GTPBP6: variants seen among roughly 807,000 people sequenced by gnomAD.
GTPBP6 encodes the protein putative GTP-binding protein 6.
In GTPBP6, 33 loss-of-function variants were observed where a neutral mutation model predicts 28.9. That is an observed-to-expected ratio of 1.14 (90% CI 0.87 to 1.53). The LOEUF is 1.53. Among genes scored for constraint, GTPBP6 ranks in the 40% most tolerant of loss-of-function variants. GTPBP6 has a pLI of 0.00. For missense variants in GTPBP6, 507 were observed against 408.3 expected (o/e 1.24, Z -2.08); for synonymous variants, 231 against 192.7 (o/e 1.20, Z -1.65).
At chrX:314,668 G>C (rs1267244939) in intron 4 of GTPBP6, among the ~76,000 whole-genome samples, 1 of 151,934 alleles carries the variant, frequency 6.6e-6, no homozygotes, top group African/African-American at 2.4e-5. Flanking sequence ...AGTACAGACG[G>C]GGTTTCACCG....
chrX:305,325 T>TG, intron 9 of GTPBP6, 128 bp from the exon 10 acceptor site: 2 of 273,546 alleles, frequency 7.3e-6, no homozygotes, highest in South Asian at 7.4e-5. Flanking sequence ...TTTCCTTTTG[T>TG]TTTTTTTTTT....
chrX:309,659 G>A (rs896396020), intron 7 of GTPBP6, among the ~76,000 whole-genome samples: 4 of 151,942 alleles, frequency 2.6e-5, no homozygotes, highest in Admixed American at 6.6e-5. Context: ...GGAGTGGTGC[G>A]GCCACAAGCC....
intron 7 of GTPBP6, among the ~76,000 whole-genome samples, chrX:310,932 C>T (rs1347304880): frequency 3.1e-5 from 4 of 128,546 alleles, no homozygotes; most frequent in East Asian, 2.6e-4. Context: ...GTGACACGAA[C>T]GGTCACTCTG....
intron 4 of GTPBP6, among the ~76,000 whole-genome samples, 151 bp downstream of exon 4, chrX:314,739 G>A (rs2070397395): frequency 6.6e-6 from 1 of 151,954 alleles, no homozygotes; most frequent in African/African-American, 2.4e-5. Flanking sequence ...GCCTCCCAAA[G>A]TGCTGGGATG....
Position 312,890 on chromosome X carries a change from C to T in GTPBP6, c.792G>A (p.Leu264=), listed in dbSNP as rs146514860. Residue 264 remains leucine (L), a synonymous_variant, in exon 6 of 10, where the codon CTG becomes CTA. Coordinates refer to ENST00000326153, the Ensembl canonical transcript of GTPBP6. ...TCCTGATCTTGGCCTCCTTCTCTCT[C>T]AGGAGACGCTGCTGCAGCTGCATGA... 6.5e-3 allele frequency: 10,445 copies of T among 1,612,742 alleles called. 589 individuals are homozygous for T. In the African/African-American group the frequency reaches 0.12, roughly 19 times the overall value.
chrX:312,670 C>T lies in GTPBP6; in HGVS notation c.916+96G>A, dbSNP rs750761923. The T allele has an allele frequency of 7.0e-6, 9 of 1,286,550 alleles. No individual in the cohort carries two copies. In the Admixed American group the frequency reaches 1.4e-4, roughly 20 times the overall value. The allele number at this position is 1,286,550 out of a possible 1,614,324, so 79.7% of individuals were successfully genotyped here. Reference sequence around the variant, plus strand: ...TGCTCACCGCAGCTGTCGTACGGCACCACTGAGACGACAGGGACCCCCTGC... The same window carrying T: ...TGCTCACCGCAGCTGTCGTACGGCATCACTGAGACGACAGGGACCCCCTGC... On this transcript the variant is annotated intron_variant, in intron 6 of 9. Coordinates refer to ENST00000326153, the Ensembl canonical transcript of GTPBP6.
chrX:313,054 C>A, intron 5 of GTPBP6, 130 bp from the exon 6 acceptor site: 1 of 729,394 alleles, frequency 1.4e-6, no homozygotes, highest in South Asian at 1.8e-5. Flanking sequence ...CGGCTGCTTT[C>A]CCCAGCAGCG....
intron 2 of GTPBP6, 132 bp downstream of exon 2, chrX:316,782 G>A: frequency 5.0e-6 from 2 of 398,212 alleles, no homozygotes; most frequent in Non-Finnish European, 8.8e-6. Flanking sequence ...CAGCTCACCT[G>A]GGCAATCCGA....
At chrX:306,138 ACAGT>A (rs1344313905) in intron 9 of GTPBP6, among the ~76,000 whole-genome samples, 3 of 152,068 alleles carry the variant, frequency 2.0e-5, no homozygotes, top group African/African-American at 7.2e-5. Context: ...TGTTGTGCGC[ACAGT>A]CAGAAATGTA....
At chrX:318,796 T>G (rs1186098276) in exon 1 of GTPBP6, 3 of 305,334 alleles carry the variant, frequency 9.8e-6, no homozygotes, top group Non-Finnish European at 1.8e-5. Context: ...ATGGCGCGTC[T>G]GGAGGCTGAA....
intron 8 of GTPBP6, 109 bp from the exon 9 acceptor site, chrX:307,621 G>T: frequency 7.0e-7 from 1 of 1,437,510 alleles, no homozygotes; most frequent in Non-Finnish European, 9.4e-7. Flanking sequence ...GCCACTCCCT[G>T]TGTCCTGACT....
At chrX:316,755 C>T (rs1243975501) in intron 2 of GTPBP6, among the ~76,000 whole-genome samples, 159 bp downstream of exon 2, 1 of 152,154 alleles carries the variant, frequency 6.6e-6, no homozygotes, top group South Asian at 2.1e-4. Flanking sequence ...CCTCCGACTC[C>T]TACTGGCGTG....
rs746478510 is a variant in GTPBP6 at position 307,839 on chromosome X, C to T, written c.1167G>A (p.Ala389=). 13 of 1,543,458 alleles carry T rather than the reference C, an allele frequency of 8.4e-6. No individual in the cohort carries two copies. The East Asian group carries it at 9.3e-5, about 11-fold the overall frequency. ...ACAGAACGCTGCATTTCTGGAGCTCCGCCTCGGGGTGGCTGACGTCCCTCA... is the reference window on the plus strand; with the variant it reads ...ACAGAACGCTGCATTTCTGGAGCTCTGCCTCGGGGTGGCTGACGTCCCTCA... The change falls in exon 8 of 10, where the codon GCG becomes GCA. Residue 389 remains alanine, a synonymous_variant. Transcript: ENST00000326153.
At chrX:311,823 G>A (rs1292962968) in intron 6 of GTPBP6, 196 bp from the exon 7 acceptor site, 21 of 617,792 alleles carry the variant, frequency 3.4e-5, no homozygotes, top group South Asian at 7.5e-5. Context: ...TTCTCGGGCC[G>A]ATGGAGCGGG....
chrX:305,838 C>A (rs187284637), intron 9 of GTPBP6, among the ~76,000 whole-genome samples: 4,237 of 150,738 alleles, frequency 0.028, 156 homozygotes, highest in African/African-American at 0.083. Context: ...GTTAGCCAGG[C>A]TGGTCTCGAT....
intron 7 of GTPBP6, 78 bp from the exon 8 acceptor site, chrX:307,958 G>C: frequency 1.6e-6 from 2 of 1,275,082 alleles, no homozygotes; most frequent in Non-Finnish European, 2.1e-6. Flanking sequence ...CCCAGGAGAG[G>C]GGCTCACACG....
At chrX:310,972 T>C (rs2070274926) in intron 7 of GTPBP6, among the ~76,000 whole-genome samples, 2 of 151,920 alleles carry the variant, frequency 1.3e-5, no homozygotes, top group South Asian at 4.2e-4. Context: ...GTGGAGCAGG[T>C]GCACCCGGGA....
intron 5 of GTPBP6, among the ~76,000 whole-genome samples, chrX:313,648 A>T (rs1337086793): frequency 6.6e-6 from 1 of 152,086 alleles, no homozygotes; most frequent in Admixed American, 6.6e-5. Flanking sequence ...AAATGCAATG[A>T]CATGTGTCCT....
rs35593800 is a variant in GTPBP6 at position 312,758 on chromosome X, G to A, written c.916+8C>T. The A allele has an allele frequency of 0.048, 77,162 of 1,610,138 alleles. 2,187 individuals are homozygous for A. The highest frequency in any genetic ancestry group is 0.089 in the East Asian group (3,962 of 44,760). ...CGCGGAAGGCCCCTCCCCTGGGCGC[G>A]TGCTCACCGCAGTTGGTGTACCCCA... On this transcript the variant is annotated splice_region_variant and intron_variant, in intron 6 of 9. Coordinates refer to ENST00000326153, the Ensembl canonical transcript of GTPBP6.
Sources: allele counts gnomAD v4.1 joint callset (sites outside exome capture counted in the v4.1 genomes callset), GRCh38; gene constraint gnomAD v4.1.1; transcripts MANE v1.5; gene names NCBI Gene and HGNC (gene_info 2026-07-23, HGNC 2026-07-21).